ARSB: variants seen among roughly 807,000 people sequenced by gnomAD.
ARSB encodes the protein arylsulfatase B, also known as N-acetylgalactosamine-4-sulfatase.
In ARSB, 41 loss-of-function variants were observed where a neutral mutation model predicts 50.9. The ratio of observed to expected loss-of-function variants is 0.81; its 90% CI spans 0.63 to 1.04. ARSB has a LOEUF of 1.04. ARSB is among the 50% of genes least tolerant of loss of function. The pLI is 0.00. For missense variants in ARSB, 672 were observed against 693.3 expected (o/e 0.97, Z 0.35); for synonymous variants, 269 against 284.8 (o/e 0.94, Z 0.56).
chr5:78,823,955 A>G (rs1225857848), intron 6 of ARSB, among the ~76,000 whole-genome samples: 1 of 152,060 alleles, frequency 6.6e-6, no homozygotes, highest in African/African-American at 2.4e-5. Context: ...CCAATGTTGG[A>G]GGGGGGGCAC....
At chr5:78,809,451 C>A (rs1457575896) in intron 6 of ARSB, among the ~76,000 whole-genome samples, 1 of 152,260 alleles carries the variant, frequency 6.6e-6, no homozygotes, top group African/African-American at 2.4e-5. Context: ...TCTTCTCTGT[C>A]TACAACAAAG....
At chr5:78,936,504 G>C (rs2112412616) in intron 4 of ARSB, among the ~76,000 whole-genome samples, 1 of 151,694 alleles carries the variant, frequency 6.6e-6, no homozygotes, top group East Asian at 1.9e-4. Context: ...AGAGGGGTGG[G>C]GAAGGGATAG....
chr5:78,942,879 G>A (rs1483182301), intron 4 of ARSB, among the ~76,000 whole-genome samples: 15 of 152,270 alleles, frequency 9.9e-5, no homozygotes, highest in East Asian at 9.7e-4. Flanking sequence ...TAACAGTGGG[G>A]TGTTAATGTC....
At chr5:78,911,572 TAAAAAAAAAAAAAAAAAAA>T (rs71001137) in intron 4 of ARSB, among the ~76,000 whole-genome samples, 728 of 67,850 alleles carry the variant, frequency 0.011, 19 homozygotes, top group Non-Finnish European at 0.012. Context: ...AGACTCCCTC[TAAAAAAAAAAAAAAAAAAA>T]AAAAAAAAAA....
At chr5:78,834,605 G>GTGTA (rs1167389468) in intron 6 of ARSB, among the ~76,000 whole-genome samples, 18 of 65,282 alleles carry the variant, frequency 2.8e-4, no homozygotes, top group African/African-American at 8.9e-4. Flanking sequence ...GTATATATAT[G>GTGTA]TGTATATATA....
rs372269117 is a variant in ARSB at position 78,866,602 on chromosome 5, G to C, written c.1142+18982C>G. Among the ~76,000 whole-genome samples the C allele has an allele frequency of 1.2e-4, 18 of 152,354 alleles. No individual in the cohort carries two copies. In the East Asian group the frequency reaches 1.5e-3, roughly 13 times the overall value. ...CTGGCTAGTGGGGAGTCAAAAGGGA[G>C]TCCAAGGAAGTAGCTTGGATAAGGA... On this transcript the variant is annotated intron_variant, in intron 5 of 7. Coordinates refer to ENST00000264914, the MANE Select transcript of ARSB (RefSeq NM_000046.5).
chr5:78,937,573 T>C (rs1488494089), intron 4 of ARSB, among the ~76,000 whole-genome samples: 3 of 151,058 alleles, frequency 2.0e-5, no homozygotes, highest in Non-Finnish European at 4.4e-5. Flanking sequence ...GTTCATAATA[T>C]CAACAATAAG....
At chr5:78,966,709 C>A (rs1052674502) in intron 2 of ARSB, among the ~76,000 whole-genome samples, 1 of 152,096 alleles carries the variant, frequency 6.6e-6, no homozygotes, top group Non-Finnish European at 1.5e-5. Context: ...TTTTTAAGTA[C>A]CTAACTTGGT....
intron 2 of ARSB, among the ~76,000 whole-genome samples, chr5:78,966,649 C>A (rs1752217367): frequency 6.6e-6 from 1 of 152,144 alleles, no homozygotes. Context: ...CCAGGTTAGG[C>A]TTCTTAATTC....
At chr5:78,853,962 C>CA (rs1390447115) in intron 5 of ARSB, among the ~76,000 whole-genome samples, 1 of 152,248 alleles carries the variant, frequency 6.6e-6, no homozygotes, top group Admixed American at 6.5e-5. Context: ...TGCCGTCTGT[C>CA]ACCCCTTTCT....
intron 6 of ARSB, among the ~76,000 whole-genome samples, chr5:78,791,413 G>A (rs777516380): frequency 6.6e-6 from 1 of 152,196 alleles, no homozygotes; most frequent in African/African-American, 2.4e-5. Context: ...CTGATTGGCT[G>A]ACCACTTCTT....
intron 6 of ARSB, among the ~76,000 whole-genome samples, chr5:78,795,297 T>C (rs993120898): frequency 6.6e-6 from 1 of 152,136 alleles, no homozygotes; most frequent in African/African-American, 2.4e-5. Flanking sequence ...TCCAGCTCCA[T>C]GGACCCTAGG....
At chr5:78,933,033 G>C (rs891782714) in intron 4 of ARSB, among the ~76,000 whole-genome samples, 2 of 152,182 alleles carry the variant, frequency 1.3e-5, no homozygotes, top group Non-Finnish European at 1.5e-5. Context: ...TACACTATTA[G>C]CAAGTGGGTT....
intron 1 of ARSB, among the ~76,000 whole-genome samples, chr5:78,971,426 T>C (rs1224498055): frequency 6.6e-6 from 1 of 152,114 alleles, no homozygotes; most frequent in East Asian, 1.9e-4. Context: ...GAGGTAAGAG[T>C]GCCAGTTCTC....
At chr5:78,820,034 C>T (rs1744148376) in intron 6 of ARSB, among the ~76,000 whole-genome samples, 1 of 152,210 alleles carries the variant, frequency 6.6e-6, no homozygotes, top group South Asian at 2.1e-4. Context: ...GGATTAGTGC[C>T]TTTATCCAAG....
chr5:78,846,206 A>C (rs1357948527), intron 5 of ARSB, among the ~76,000 whole-genome samples: 3 of 151,992 alleles, frequency 2.0e-5, no homozygotes. Context: ...ACACGAATTT[A>C]TTTCTAGGTT....
intron 3 of ARSB, among the ~76,000 whole-genome samples, chr5:78,959,848 T>C (rs1356625685): frequency 6.6e-6 from 1 of 152,198 alleles, no homozygotes; most frequent in African/African-American, 2.4e-5. Context: ...GTGGAATGAA[T>C]TAACTAGGAC....
At chr5:78,966,162 T>C (rs571240488) in intron 2 of ARSB, among the ~76,000 whole-genome samples, 2 of 152,354 alleles carry the variant, frequency 1.3e-5, no homozygotes, top group Non-Finnish European at 2.9e-5. Flanking sequence ...TACACTTCAT[T>C]AGCAAAGGCA....
At chr5:78,969,259 G>A in intron 1 of ARSB, 67 bp from the exon 2 acceptor site, 1 of 1,545,832 alleles carries the variant, frequency 6.5e-7, no homozygotes, top group South Asian at 1.1e-5. Flanking sequence ...CAGATAAAAT[G>A]GCCTTCTACC....
Sources: allele counts gnomAD v4.1 joint callset (sites outside exome capture counted in the v4.1 genomes callset), GRCh38; gene constraint gnomAD v4.1.1; transcripts MANE v1.5; gene names NCBI Gene and HGNC (gene_info 2026-07-23, HGNC 2026-07-21).